Variants in NDUFA10 observed in about 807,000 individuals in gnomAD.
The protein encoded by NDUFA10 is NADH:ubiquinone oxidoreductase subunit A10, also known as NADH dehydrogenase [ubiquinone] 1 alpha subcomplex subunit 10, mitochondrial.
Under a neutral mutation model 47.8 loss-of-function variants are expected in NDUFA10, and 40 were observed. The observed-to-expected ratio is 0.84, with a 90% CI of 0.65 to 1.09. NDUFA10 has a LOEUF of 1.09. Among genes scored for constraint, NDUFA10 ranks in the 50% least tolerant of loss-of-function variants. The pLI, the probability that NDUFA10 is intolerant of heterozygous loss-of-function variation, is 0.00. For synonymous variants in NDUFA10, 183 were observed against 172.2 expected, an observed-to-expected ratio of 1.06 and a Z score of -0.49; for missense variants, 413 against 451.1, an observed-to-expected ratio of 0.92 and a Z score of 0.76.
chr2:239,983,417 A>C, intron 9 of NDUFA10: 1 of 1,457,614 alleles, frequency 6.9e-7, no homozygotes, highest in Non-Finnish European at 9.2e-7. Context: ...AGAAATGGTC[A>C]TTATTATTTA....
chr2:239,931,528 C>A (rs1331437054), intron 4 of NDUFA10, among the ~76,000 whole-genome samples: 4 of 152,010 alleles, frequency 2.6e-5, no homozygotes, highest in Admixed American at 6.6e-5. Context: ...TTCCACCAAG[C>A]GGGGTCTCCT....
rs1697347892 is a variant in NDUFA10, at chr2:240,016,365, C to G, written c.548-1505G>C. Among the ~76,000 whole-genome samples the G allele has an allele frequency of 6.6e-6, 1 of 152,192 alleles. No individual in the cohort carries two copies. Among genetic ancestry groups the G allele is most frequent in the South Asian group, 2.1e-4 (1 of 4,832 alleles). On this transcript the variant is annotated intron_variant, in intron 4 of 9. Transcript: ENST00000252711. The surrounding 1 kb of genome is among the most constrained non-coding windows in gnomAD (Gnocchi z 4.4). ...GTGAAACCTCCCTTCACCGAGTCTG[C>G]TCTCACCCTGCTTCCCACCCTCACC... is the stretch of plus-strand genomic sequence containing the variant.
At chr2:239,937,172 C>T (rs1039263787) in intron 4 of NDUFA10, among the ~76,000 whole-genome samples, 1 of 152,168 alleles carries the variant, frequency 6.6e-6, no homozygotes, top group African/African-American at 2.4e-5. Flanking sequence ...CAACATGAGC[C>T]CATGCACTCT....
At chr2:239,989,959 TA>T in intron 9 of NDUFA10, 114 bp downstream of exon 9, 1 of 816,900 alleles carries the variant, frequency 1.2e-6, no homozygotes. Context: ...GCTCCTTCAC[TA>T]AAACAAACAA....
At chr2:239,900,935 C>G (rs960575546) in intron 4 of NDUFA10, among the ~76,000 whole-genome samples, 1 of 152,182 alleles carries the variant, frequency 6.6e-6, no homozygotes, top group Non-Finnish European at 1.5e-5. Context: ...GACGCTGCAG[C>G]AAGTTATACA....
rs1260973982 is a variant in NDUFA10 at position 239,960,579 on chromosome 2, A to G, written c.*539T>C. 4 of 1,008,086 alleles carry G rather than the reference A, an allele frequency of 4.0e-6. No homozygotes were observed. The East Asian group carries it at 2.7e-4, about 67-fold the overall frequency. The allele number at this position is 1,008,086 out of a possible 1,614,324, so 62.4% of individuals were successfully genotyped here. ...GTTCTTATTTTTTCTACTCTAATGTAGCACATTACTAAAATAAATACAGTA... is the reference window on the plus strand; with the variant it reads ...GTTCTTATTTTTTCTACTCTAATGTGGCACATTACTAAAATAAATACAGTA... On this transcript the variant is annotated 3_prime_UTR_variant, in exon 10 of 10. Coordinates refer to ENST00000252711, the MANE Select transcript of NDUFA10 (RefSeq NM_004544.4).
chr2:239,988,548 A>G (rs1030968586), intron 9 of NDUFA10, among the ~76,000 whole-genome samples: 3 of 152,224 alleles, frequency 2.0e-5, no homozygotes, highest in Non-Finnish European at 2.9e-5. Context: ...GACTGAGGGC[A>G]GAGACTAAAC....
At chr2:239,896,194 C>T (rs946468284) in intron 4 of NDUFA10, among the ~76,000 whole-genome samples, 10 of 152,170 alleles carry the variant, frequency 6.6e-5, no homozygotes, top group Non-Finnish European at 1.0e-4. Context: ...TCACCAATGC[C>T]GCGTGTGAAT....
At chr2:239,908,682 C>T (rs1693698152) in intron 4 of NDUFA10, among the ~76,000 whole-genome samples, 2 of 152,262 alleles carry the variant, frequency 1.3e-5, no homozygotes, top group African/African-American at 2.4e-5. Flanking sequence ...GATAAACTTA[C>T]TGTTAACAGA....
chr2:239,904,048 G>A (rs560419382), intron 4 of NDUFA10, among the ~76,000 whole-genome samples: 5 of 152,054 alleles, frequency 3.3e-5, no homozygotes, highest in Admixed American at 6.5e-5. Flanking sequence ...TGTCCTGAGC[G>A]CATGGGGTCA....
chr2:239,934,490 AT>A (rs1432909149), intron 4 of NDUFA10, among the ~76,000 whole-genome samples: 2 of 151,102 alleles, frequency 1.3e-5, no homozygotes, highest in Non-Finnish European at 2.9e-5. Context: ...TTTTCATTTT[AT>A]TTTTTTATTG....
intron 8 of NDUFA10, among the ~76,000 whole-genome samples, chr2:239,990,427 T>C (rs544978261): frequency 6.6e-6 from 1 of 152,310 alleles, no homozygotes; most frequent in African/African-American, 2.4e-5. Context: ...CCTCAGTACC[T>C]ACATAGGACG....
chr2:239,960,242 T>G lies in NDUFA10; in HGVS notation c.*876A>C. 3.0e-6 allele frequency: 3 copies of G among 985,608 alleles called. No homozygotes were observed. In the South Asian group the frequency reaches 1.4e-4, roughly 46 times the overall value. 61.1% of individuals were successfully genotyped at this position (985,608 alleles called of 1,614,324 possible). On this transcript the variant is annotated 3_prime_UTR_variant, in exon 10 of 10. Coordinates refer to ENST00000252711, the MANE Select transcript of NDUFA10 (RefSeq NM_004544.4). ...TCAGTAGGACTCACAACTGACAGCTTGATTCCTAAACCATGATGCTGAACC... is the reference window on the plus strand; with the variant it reads ...TCAGTAGGACTCACAACTGACAGCTGGATTCCTAAACCATGATGCTGAACC...
intron 9 of NDUFA10, among the ~76,000 whole-genome samples, chr2:239,988,280 C>T (rs1696087576): frequency 6.6e-6 from 1 of 152,112 alleles, no homozygotes; most frequent in Non-Finnish European, 1.5e-5. Context: ...GTAAGAAGCA[C>T]CACTAAAGGT....
Position 240,025,256 on chromosome 2 carries a change from G to A in NDUFA10, c.46C>T (p.Arg16Trp), listed in dbSNP as rs867336589. ...CGCTGGGCGCCCGCCGCCACGACCC[G>A]GGCGGACGCGGACGTCGCTGCCAGC... ...LKLAATSASARVVAAGAQRVR... is the reference protein window; with the variant it reads ...LKLAATSASAWVVAAGAQRVR... The change falls in exon 1 of 10, where the codon CGG becomes TGG. Residue 16 changes from arginine (R) to tryptophan (W), a missense_variant. Transcript: ENST00000252711. 1 of 1,399,876 alleles carries A rather than the reference G, an allele frequency of 7.1e-7. No homozygotes were observed. The highest frequency in any genetic ancestry group is 9.4e-7 in the Non-Finnish European group (1 of 1,063,816). The allele number at this position is 1,399,876 out of a possible 1,614,324, so 86.7% of individuals were successfully genotyped here. A position where few individuals can be genotyped will look rare whatever the true frequency, so the allele number is the denominator to read the frequency against.
At chr2:239,936,022 T>C (rs1694261000) in intron 4 of NDUFA10, among the ~76,000 whole-genome samples, 1 of 152,228 alleles carries the variant, frequency 6.6e-6, no homozygotes, top group Non-Finnish European at 1.5e-5. Flanking sequence ...TTGTTATTAC[T>C]CCCGGCTCCC....
rs554678686 is a variant in NDUFA10 at position 239,979,103 on chromosome 2, C to T, written c.999+10971G>A. ...CCTGAGAAGTGTGCTCCTGTGTAAC[C>T]CTTTCTGGGCTCATCCATCCATCAG... On this transcript the variant is annotated intron_variant, in intron 9 of 9. Coordinates refer to ENST00000252711, the MANE Select transcript of NDUFA10 (RefSeq NM_004544.4). Among the ~76,000 whole-genome samples, 4 of 152,294 alleles carry T rather than the reference C, an allele frequency of 2.6e-5. No individual in the cohort carries two copies. In the South Asian group the frequency reaches 8.3e-4, roughly 32 times the overall value.
In NDUFA10 at chr2:239,957,647, A is replaced by T. The variant is rs577196714; in HGVS notation, c.*3471T>A. The T allele has an allele frequency of 6.6e-6, 1 of 152,348 alleles. No homozygotes were observed. Among genetic ancestry groups the T allele is most frequent in the South Asian group, 2.1e-4 (1 of 4,822 alleles). 9.4% of individuals were successfully genotyped at this position (152,348 alleles called of 1,614,324 possible). A position where few individuals can be genotyped will look rare whatever the true frequency, so the allele number is the denominator to read the frequency against. The stretch of plus-strand genomic sequence containing the variant: ...ATTTGTCTTCCTATTAGAACCCTTA[A>T]ATCAGCCTCCTTCAAGCAAGCGCAG... On this transcript the variant is annotated 3_prime_UTR_variant, in exon 10 of 10. Transcript: ENST00000252711.
chr2:239,952,253 T>A (rs1309309356), intron 4 of NDUFA10, among the ~76,000 whole-genome samples: 1 of 26,094 alleles, frequency 3.8e-5, no homozygotes, highest in African/African-American at 1.6e-4. Context: ...GGGAGGGGGC[T>A]GGCAGGGTGG....
Sources: allele counts gnomAD v4.1 joint callset (sites outside exome capture counted in the v4.1 genomes callset), GRCh38; gene constraint gnomAD v4.1.1; non-coding constraint Gnocchi (gnomAD v3.1); transcripts MANE v1.5; gene names NCBI Gene and HGNC (gene_info 2026-07-23, HGNC 2026-07-21).